The following USH2A variants were observed in gnomAD, a reference collection of about 807,000 sequenced individuals.
USH2A encodes usherin, also known as Usher syndrome 2A (autosomal recessive, mild).
A neutral mutation model predicts 538.9 loss-of-function variants in USH2A; 443 were observed. That is an observed-to-expected ratio of 0.82 (90% confidence interval 0.76 to 0.89). The LOEUF (loss-of-function observed/expected upper bound fraction) is 0.89. Ranked by LOEUF, USH2A falls within the 40% of genes least tolerant of loss-of-function variation. USH2A has a pLI of 0.00. For synonymous variants in USH2A, 2,413 were observed against 2,273.5 expected (o/e 1.06, Z -1.75); for missense variants, 6,633 against 6,324.8 (o/e 1.05, Z -1.65).
At chr1:215,903,610 C>A (rs758922491) in intron 38 of USH2A, among the ~76,000 whole-genome samples, 1 of 152,054 alleles carries the variant, frequency 6.6e-6, no homozygotes, top group East Asian at 1.9e-4. Flanking sequence ...GGCTGCCAAA[C>A]AGAGCAGGGA....
chr1:216,141,656 T>C (rs2033606171), intron 21 of USH2A, among the ~76,000 whole-genome samples: 1 of 152,128 alleles, frequency 6.6e-6, no homozygotes, highest in Non-Finnish European at 1.5e-5. Flanking sequence ...GCAAAACCCC[T>C]TTAGACTTTG....
chr1:216,371,153 A>G (rs1393342356), intron 3 of USH2A, among the ~76,000 whole-genome samples: 2 of 152,212 alleles, frequency 1.3e-5, no homozygotes, highest in African/African-American at 2.4e-5. Context: ...GTATCTCCTT[A>G]TAACTTCAGT....
intron 11 of USH2A, among the ~76,000 whole-genome samples, chr1:216,269,843 G>A (rs1026577365): frequency 8.5e-5 from 13 of 152,108 alleles, no homozygotes; most frequent in Non-Finnish European, 1.8e-4. Flanking sequence ...GGTGACAATT[G>A]TCACAATGAG....
chr1:215,704,867 T>C (rs548796045), intron 61 of USH2A, among the ~76,000 whole-genome samples: 1 of 152,348 alleles, frequency 6.6e-6, no homozygotes, highest in East Asian at 1.9e-4. Context: ...CTGCTGTTTA[T>C]GGCATTTTTA....
intron 40 of USH2A, among the ~76,000 whole-genome samples, chr1:215,893,010 C>T (rs1323185716): frequency 5.9e-5 from 9 of 151,946 alleles, no homozygotes; most frequent in African/African-American, 1.5e-4. Context: ...GATGCATCTG[C>T]GATAATTTGG....
At chr1:216,039,845 G>A (rs569771646) in intron 32 of USH2A, among the ~76,000 whole-genome samples, 5 of 151,842 alleles carry the variant, frequency 3.3e-5, no homozygotes, top group Non-Finnish European at 7.4e-5. Context: ...AGTTTAAGAT[G>A]AGCATTTCTA....
chr1:216,303,591 C>A (rs1307183877), intron 9 of USH2A, among the ~76,000 whole-genome samples: 5 of 151,728 alleles, frequency 3.3e-5, no homozygotes, highest in Admixed American at 3.3e-4. Context: ...AATTAAAAAA[C>A]CCTTTCTTAA....
chr1:216,376,399 T>A (rs2038821463), intron 3 of USH2A, among the ~76,000 whole-genome samples: 1 of 151,996 alleles, frequency 6.6e-6, no homozygotes, highest in Non-Finnish European at 1.5e-5. Flanking sequence ...GAATAAGTTG[T>A]GGGAAAACAG....
At chr1:216,320,489 T>C (rs1012611613) in intron 9 of USH2A, among the ~76,000 whole-genome samples, 2 of 152,202 alleles carry the variant, frequency 1.3e-5, no homozygotes, top group Non-Finnish European at 2.9e-5. Context: ...AATTATATAA[T>C]GTAGTTCACT....
intron 32 of USH2A, among the ~76,000 whole-genome samples, chr1:216,024,469 C>A (rs542935419): frequency 1.3e-5 from 2 of 152,136 alleles, no homozygotes; most frequent in South Asian, 4.1e-4. Context: ...GCTAACTGAT[C>A]TTTTAATGTA....
At chr1:215,891,949 A>T (rs893603513) in intron 40 of USH2A, among the ~76,000 whole-genome samples, 2 of 152,164 alleles carry the variant, frequency 1.3e-5, no homozygotes, top group Non-Finnish European at 2.9e-5. Context: ...TCATATTTCA[A>T]ACCATTTCAT....
intron 4 of USH2A, among the ~76,000 whole-genome samples, chr1:216,356,568 G>T (rs2038395422): frequency 6.6e-6 from 1 of 151,858 alleles, no homozygotes; most frequent in African/African-American, 2.4e-5. Flanking sequence ...TAAATTTATA[G>T]AATTTTGTAC....
At chr1:215,774,417 T>G (rs1274141682) in intron 55 of USH2A, among the ~76,000 whole-genome samples, 1 of 151,546 alleles carries the variant, frequency 6.6e-6, no homozygotes, top group African/African-American at 2.4e-5. Flanking sequence ...ACCCTTTTTC[T>G]TTGGTGGTGT....
In USH2A at chr1:216,187,606, A is replaced by G. The variant is rs79940434; in HGVS notation, c.4396+2617T>C. ...ACTCTCCATTTTATATTTTATAATA[A>G]TGTTAGAAAATCAAAGTTGTAAAAT... On this transcript the variant is annotated intron_variant, in intron 20 of 71. Coordinates refer to ENST00000307340, the MANE Select transcript of USH2A (RefSeq NM_206933.4). 3.8e-3 allele frequency among the ~76,000 whole-genome samples: 574 copies of G among 152,012 alleles called. 1 individual carries two copies. The highest frequency in any genetic ancestry group is 8.1e-3 in the South Asian group (39 of 4,824).
Position 216,327,670 on chromosome 1 carries a change from T to A in USH2A, c.785-16A>T. ...TGCTCTAAACCTGCAAATACACACA[T>A]GTGCATAATATAAGAAGTCTCTGTT... On this transcript the variant is annotated splice_polypyrimidine_tract_variant and intron_variant, in intron 4 of 71. Coordinates refer to ENST00000307340, the MANE Select transcript of USH2A (RefSeq NM_206933.4). 6.2e-7 allele frequency: 1 copy of A among 1,611,122 alleles called. No individual in the cohort carries two copies. Among genetic ancestry groups the A allele is most frequent in the South Asian group, 1.1e-5 (1 of 90,930 alleles).
rs541210125 is a variant in USH2A at position 216,011,170 on chromosome 1, C to A, written c.6326-10608G>T. Among the ~76,000 whole-genome samples the A allele has an allele frequency of 3.9e-3, 600 of 152,286 alleles. 7 individuals carry two copies. Among genetic ancestry groups the A allele is most frequent in the African/African-American group, 0.013 (556 of 41,550 alleles). On this transcript the variant is annotated intron_variant, in intron 32 of 71. Transcript: ENST00000307340. ...TTATCAACCAAATTGTTTTGCCTAT[C>A]CACCCCATGGTGCCAAACCCGTATA...
chr1:215,929,835 A>G (rs1331484840), intron 38 of USH2A, among the ~76,000 whole-genome samples: 1 of 151,940 alleles, frequency 6.6e-6, no homozygotes, highest in Non-Finnish European at 1.5e-5. Context: ...TAGGACTCCA[A>G]CGTCTATGCT....
chr1:215,944,865 G>A (rs975762676), intron 37 of USH2A, among the ~76,000 whole-genome samples: 1 of 152,052 alleles, frequency 6.6e-6, no homozygotes, highest in Admixed American at 6.6e-5. Flanking sequence ...CCCTTCCAAT[G>A]GATTCTAGTG....
intron 37 of USH2A, among the ~76,000 whole-genome samples, chr1:215,959,506 C>T (rs938182093): frequency 3.7e-4 from 56 of 151,992 alleles, no homozygotes; most frequent in African/African-American, 1.3e-3. Context: ...GTTTGTTGTA[C>T]CTCTCCACAT....
Sources: allele counts gnomAD v4.1 joint callset (sites outside exome capture counted in the v4.1 genomes callset), GRCh38; gene constraint gnomAD v4.1.1; transcripts MANE v1.5; gene names NCBI Gene and HGNC (gene_info 2026-07-23, HGNC 2026-07-21).